Variants in MFN1 observed in about 807,000 individuals in gnomAD.
MFN1 encodes mitofusin-1.
In MFN1, 65 loss-of-function variants were observed where a neutral mutation model predicts 92.4. That is an observed-to-expected ratio of 0.70 (90% confidence interval 0.58 to 0.86). The LOEUF is 0.86. Among genes scored for constraint, MFN1 ranks in the 40% least tolerant of loss-of-function variants. MFN1 has a pLI of 0.00. For missense variants in MFN1, 781 were observed against 868.0 expected, an observed-to-expected ratio of 0.90 and a Z score of 1.26; for synonymous variants, 297 against 300.9, an observed-to-expected ratio of 0.99 and a Z score of 0.13.
At chr3:179,372,233 A>G (rs938607717) in intron 9 of MFN1, among the ~76,000 whole-genome samples, 1 of 151,066 alleles carries the variant, frequency 6.6e-6, no homozygotes, top group African/African-American at 2.4e-5. Context: ...TGAAAGGTCT[A>G]TTTCTTGCAC....
intron 16 of MFN1, among the ~76,000 whole-genome samples, chr3:179,388,048 T>C (rs1292454293): frequency 6.6e-6 from 1 of 151,844 alleles, no homozygotes; most frequent in African/African-American, 2.4e-5. Flanking sequence ...CCAGCTAATT[T>C]TTTTTGTATT....
chr3:179,386,568 A>T lies in MFN1; in HGVS notation c.1951A>T (p.Thr651Ser), dbSNP rs762040286. ...AFKQQFVNYA[T>S]EKLRMIVSST... is the part of the protein sequence containing the mutation. Reference sequence around the variant, plus strand: ...TAAACAGCAGTTTGTAAACTATGCAACTGAAAAACTGAGGATGATTGTTAG... The same window carrying T: ...TAAACAGCAGTTTGTAAACTATGCATCTGAAAAACTGAGGATGATTGTTAG... Residue 651 changes from threonine (T) to serine (S), a missense_variant, in exon 16 of 18, where the codon ACT (threonine) becomes TCT (serine). Coordinates refer to ENST00000471841, the MANE Select transcript of MFN1 (RefSeq NM_033540.3). The T allele has an allele frequency of 1.2e-6, 2 of 1,614,148 alleles. No individual in the cohort carries two copies. Among genetic ancestry groups the T allele is most frequent in the East Asian group, 2.2e-5 (1 of 44,872 alleles).
intron 3 of MFN1, among the ~76,000 whole-genome samples, chr3:179,354,598 A>T (rs1409456704): frequency 1.3e-5 from 2 of 152,196 alleles, no homozygotes; most frequent in South Asian, 2.1e-4. Flanking sequence ...ATGGGTCCAT[A>T]AAGTGAAAGC....
chr3:179,364,356 C>G lies in MFN1; in HGVS notation c.596C>G (p.Ala199Gly), dbSNP rs1284602755. 6.2e-7 allele frequency: 1 copy of G among 1,613,760 alleles called. No individual in the cohort carries two copies. Among genetic ancestry groups the G allele is most frequent in the Non-Finnish European group, 8.5e-7 (1 of 1,179,856 alleles). ...DSWIDKFCLDADVFVLVANSE... is the reference protein window; with the variant it reads ...DSWIDKFCLDGDVFVLVANSE... ...TGGATTGATAAGTTTTGCCTAGATG[C>G]TGATGTCTTTGTTTTGGTCGCAAAC... The change falls in exon 6 of 18, where the codon GCT becomes GGT. Residue 199 changes from alanine to glycine, a missense_variant. Coordinates refer to ENST00000471841, the MANE Select transcript of MFN1 (RefSeq NM_033540.3).
chr3:179,365,101 T>C lies in MFN1; in HGVS notation c.646-17T>C, dbSNP rs185393279. ...AAATTATAGTGAATGTACTGTGGGG[T>C]TTTTTTTGTTTTTCAGGAAAAACAC... On this transcript the variant is annotated splice_polypyrimidine_tract_variant and intron_variant, in intron 6 of 17. Coordinates refer to ENST00000471841, the MANE Select transcript of MFN1 (RefSeq NM_033540.3). 7.5e-7 allele frequency: 1 copy of C among 1,338,330 alleles called. No homozygotes were observed. The highest frequency in any genetic ancestry group is 1.5e-5 in the South Asian group (1 of 68,856). The allele number at this position is 1,338,330 out of a possible 1,614,324, so 82.9% of individuals were successfully genotyped here.
Position 179,381,945 on chromosome 3 carries a change from C to T in MFN1, c.1662+3131C>T, listed in dbSNP as rs76464929. On this transcript the variant is annotated intron_variant, in intron 14 of 17. Transcript: ENST00000471841. Reference sequence around the variant, plus strand: ...AACCTGTAGTATGCTTAAGGGAAAGCTTATCCTAAAGCTTTCGTCCAATAC... The same window carrying T: ...AACCTGTAGTATGCTTAAGGGAAAGTTTATCCTAAAGCTTTCGTCCAATAC... 2.0e-3 allele frequency among the ~76,000 whole-genome samples: 308 copies of T among 152,338 alleles called. 2 individuals carry two copies. The highest frequency in any genetic ancestry group is 6.9e-3 in the African/African-American group (287 of 41,570).
chr3:179,375,516 A>G (rs1048154568), intron 10 of MFN1, among the ~76,000 whole-genome samples, 175 bp downstream of exon 10: 2 of 152,216 alleles, frequency 1.3e-5, no homozygotes, highest in Non-Finnish European at 2.9e-5. Flanking sequence ...GTCGATATTT[A>G]TTCTGCAACC....
chr3:179,368,151 T>A (rs761426799), intron 9 of MFN1, 48 bp downstream of exon 9: 135 of 1,376,912 alleles, frequency 9.8e-5, no homozygotes, highest in Admixed American at 2.8e-4. Context: ...CTTTCTTTGG[T>A]TGGAGAAAGC....
intron 9 of MFN1, among the ~76,000 whole-genome samples, chr3:179,373,770 T>TTC (rs1240294203): frequency 6.6e-6 from 1 of 151,794 alleles, no homozygotes; most frequent in East Asian, 2.0e-4. Flanking sequence ...ACCTTCCGGG[T>TTC]TCTCGCCATT....
chr3:179,383,150 G>T (rs529800958), intron 14 of MFN1, among the ~76,000 whole-genome samples: 1 of 152,154 alleles, frequency 6.6e-6, no homozygotes, highest in Non-Finnish European at 1.5e-5. Context: ...GCCCATGCCT[G>T]TGTCCTGAAT....
intron 1 of MFN1, among the ~76,000 whole-genome samples, chr3:179,348,306 C>T (rs896605363): frequency 1.3e-5 from 2 of 152,216 alleles, no homozygotes; most frequent in Admixed American, 1.3e-4. Flanking sequence ...TCTTGAGAAA[C>T]CACCTATGCT....
At position 179,385,619 on chromosome 3, in the gene MFN1, G is replaced by A. The variant is rs752874701; in HGVS notation, c.1713G>A (p.Thr571=). 3.7e-6 allele frequency: 6 copies of A among 1,612,754 alleles called. No homozygotes were observed. The highest frequency in any genetic ancestry group is 4.5e-5 in the East Asian group (2 of 44,808). ...CCACTGCTCCTACCACTCCAGCAAC[G>A]CCAGATAATGCATCACAGGAAGAAC... ...STPTAPTTPA[T]PDNASQEELM... Residue 571 remains threonine (T), a synonymous_variant, in exon 15 of 18, where the codon ACG becomes ACA. Transcript: ENST00000471841.
intron 3 of MFN1, among the ~76,000 whole-genome samples, chr3:179,357,169 C>T (rs576212826): frequency 3.4e-4 from 52 of 152,234 alleles, no homozygotes; most frequent in African/African-American, 1.2e-3. Context: ...AAAAGTGTTA[C>T]GATTCTAATG....
chr3:179,374,120 C>T (rs1315271968), intron 9 of MFN1, among the ~76,000 whole-genome samples: 1 of 151,286 alleles, frequency 6.6e-6, no homozygotes, highest in African/African-American at 2.4e-5. Flanking sequence ...CTGGCCAACA[C>T]TGCAAAACCC....
Position 179,390,088 on chromosome 3 carries a change from CAAAG to C in MFN1, c.2101_2104del (p.Glu701Ter), listed in dbSNP as rs1713844738. ...TGGAAGAAGAAATTGCTAGATTACC[CAAAG>C]AAATAGATCAGTTGGAGAAAATACA... On this transcript the variant is annotated frameshift_variant, in exon 17 of 18. Transcript: ENST00000471841. LOFTEE classifies it high-confidence loss of function. 1 of 1,605,698 alleles carries C rather than the reference CAAAG, an allele frequency of 6.2e-7. No homozygotes were observed. The highest frequency in any genetic ancestry group is 8.5e-7 in the Non-Finnish European group (1 of 1,177,420).
At chr3:179,381,738 A>T (rs1372406303) in intron 14 of MFN1, among the ~76,000 whole-genome samples, 2 of 152,218 alleles carry the variant, frequency 1.3e-5, no homozygotes, top group Non-Finnish European at 2.9e-5. Flanking sequence ...AATTATTTAA[A>T]TATTGGATAA....
intron 11 of MFN1, 59 bp downstream of exon 11, chr3:179,377,227 C>T: frequency 6.4e-7 from 1 of 1,563,198 alleles, no homozygotes; most frequent in South Asian, 1.2e-5. Flanking sequence ...TTTGATAATG[C>T]TAAAAATGTT....
chr3:179,371,876 A>G (rs1421471942), intron 9 of MFN1, among the ~76,000 whole-genome samples: 1 of 151,910 alleles, frequency 6.6e-6, no homozygotes, highest in Non-Finnish European at 1.5e-5. Context: ...CTTTCTTAGA[A>G]GACAAGTATT....
chr3:179,377,019 G>T, intron 10 of MFN1, 23 bp from the exon 11 acceptor site: 1 of 1,610,804 alleles, frequency 6.2e-7, no homozygotes, highest in South Asian at 1.1e-5. Context: ...CCTGAACGTT[G>T]ATTACTCTTT....
Sources: gnomAD v4.1 joint callset for allele counts (sites outside exome capture counted in the v4.1 genomes callset) on GRCh38, gnomAD v4.1.1 for gene constraint, MANE v1.5 for transcripts, NCBI Gene and HGNC (gene_info 2026-07-23, HGNC 2026-07-21) for gene names.